CADPS2: variants seen among roughly 807,000 people sequenced by gnomAD.
CADPS2 encodes calcium-dependent secretion activator 2.
A neutral mutation model predicts 172.5 loss-of-function variants in CADPS2; 93 were observed. The ratio of observed to expected loss-of-function variants is 0.54; its 90% confidence interval spans 0.46 to 0.64. The LOEUF is 0.64. Among genes scored for constraint, CADPS2 ranks in the 30% least tolerant of loss-of-function variants. The pLI, the probability that CADPS2 is intolerant of heterozygous loss-of-function variation, is 0.00. For synonymous variants in CADPS2, 546 were observed against 555.2 expected (o/e 0.98, Z 0.23); for missense variants, 1,420 against 1,565.9 (o/e 0.91, Z 1.57).
intron 1 of CADPS2, among the ~76,000 whole-genome samples, chr7:122,759,050 A>T (rs191699608): frequency 1.9e-4 from 29 of 152,296 alleles, no homozygotes; most frequent in Admixed American, 1.8e-3. Context: ...TGAGCCAAAA[A>T]AATCTTCAGT....
intron 7 of CADPS2, among the ~76,000 whole-genome samples, chr7:122,555,012 C>G (rs545633750): frequency 6.6e-6 from 1 of 152,144 alleles, no homozygotes; most frequent in South Asian, 2.1e-4. Context: ...CAAGAAAATT[C>G]TAAACTCCTC....
chr7:122,836,930 A>T (rs1392432753), intron 1 of CADPS2, among the ~76,000 whole-genome samples: 1 of 152,186 alleles, frequency 6.6e-6, no homozygotes, highest in South Asian at 2.1e-4. Flanking sequence ...AAGCGGACCT[A>T]ATAGACATCT....
intron 7 of CADPS2, among the ~76,000 whole-genome samples, chr7:122,558,121 T>C (rs1219363608): frequency 2.6e-5 from 4 of 152,334 alleles, no homozygotes; most frequent in African/African-American, 9.6e-5. Context: ...TTTCTTGTTA[T>C]AGCATTTAGC....
At chr7:122,611,303 T>A (rs945708870) in intron 6 of CADPS2, among the ~76,000 whole-genome samples, 2 of 150,040 alleles carry the variant, frequency 1.3e-5, no homozygotes, top group Admixed American at 6.6e-5. Flanking sequence ...GACAAACTTT[T>A]AGTTAGATGG....
intron 15 of CADPS2, among the ~76,000 whole-genome samples, chr7:122,446,281 G>C (rs1454579767): frequency 6.6e-6 from 1 of 152,068 alleles, no homozygotes; most frequent in African/African-American, 2.4e-5. Flanking sequence ...TTTTTCACCA[G>C]ATGCTGGAGA....
chr7:122,325,809 A>T (rs544133113), intron 28 of CADPS2, among the ~76,000 whole-genome samples: 27 of 152,240 alleles, frequency 1.8e-4, no homozygotes, highest in East Asian at 3.9e-4. Flanking sequence ...TTAACGTTAC[A>T]GTCTTTCAGC....
chr7:122,438,537 T>G (rs2050952462), intron 16 of CADPS2, 73 bp from the exon 17 acceptor site: 1 of 1,514,752 alleles, frequency 6.6e-7, no homozygotes. Context: ...AGACAGATGT[T>G]GCATAAAATA....
chr7:122,618,574 T>C (rs907086066), intron 5 of CADPS2, among the ~76,000 whole-genome samples: 29 of 152,148 alleles, frequency 1.9e-4, no homozygotes, highest in African/African-American at 7.0e-4. Context: ...AATCTGCACT[T>C]TATTCCTTCG....
intron 3 of CADPS2, among the ~76,000 whole-genome samples, chr7:122,644,490 T>C (rs1009517833): frequency 2.6e-5 from 4 of 152,194 alleles, no homozygotes; most frequent in African/African-American, 9.6e-5. Flanking sequence ...ATGAGCTTTA[T>C]ATATTTCACC....
At chr7:122,595,795 A>G (rs1350018546) in intron 6 of CADPS2, among the ~76,000 whole-genome samples, 1 of 152,118 alleles carries the variant, frequency 6.6e-6, no homozygotes, top group African/African-American at 2.4e-5. Flanking sequence ...TCTGCATTAC[A>G]CAAACATCCC....
chr7:122,334,038 A>T (rs975709611), intron 28 of CADPS2, among the ~76,000 whole-genome samples: 1 of 152,316 alleles, frequency 6.6e-6, no homozygotes, highest in Admixed American at 6.5e-5. Flanking sequence ...AAGCTGTAGA[A>T]ATCATTGAAA....
At chr7:122,410,143 A>G (rs550729882) in intron 19 of CADPS2, among the ~76,000 whole-genome samples, 1 of 152,292 alleles carries the variant, frequency 6.6e-6, no homozygotes, top group South Asian at 2.1e-4. Context: ...CAGGAGCTCG[A>G]GACCAGCCTG....
rs576364118 is a variant in CADPS2, at chr7:122,400,622, G to C, written c.2746+6918C>G. ...ACCATTTTGAATCCAATCAACTCTGGGGATTAGAGTTAAATACATTCTCAC... is the reference window on the plus strand; with the variant it reads ...ACCATTTTGAATCCAATCAACTCTGCGGATTAGAGTTAAATACATTCTCAC... On this transcript the variant is annotated intron_variant, in intron 20 of 29. Transcript: ENST00000449022. 9.8e-4 allele frequency among the ~76,000 whole-genome samples: 149 copies of C among 152,162 alleles called. 1 individual carries two copies. The highest frequency in any genetic ancestry group is 3.4e-3 in the African/African-American group (141 of 41,518).
intron 1 of CADPS2, among the ~76,000 whole-genome samples, chr7:122,819,478 C>G (rs377529560): frequency 1.3e-5 from 2 of 152,124 alleles, no homozygotes; most frequent in East Asian, 3.9e-4. Flanking sequence ...AGGTAAGCCC[C>G]GTCCCCTTCT....
At chr7:122,664,748 G>A (rs1274096330) in intron 2 of CADPS2, among the ~76,000 whole-genome samples, 1 of 152,072 alleles carries the variant, frequency 6.6e-6, no homozygotes, top group Non-Finnish European at 1.5e-5. Flanking sequence ...TAAATTATAT[G>A]CTGTTATTGA....
chr7:122,592,142 A>G (rs2070918751), intron 6 of CADPS2, among the ~76,000 whole-genome samples: 1 of 152,158 alleles, frequency 6.6e-6, no homozygotes, highest in Non-Finnish European at 1.5e-5. Context: ...AATTTACAAG[A>G]AAAAAACAAA....
chr7:122,862,859 G>A (rs759830144), intron 1 of CADPS2, among the ~76,000 whole-genome samples: 35 of 151,994 alleles, frequency 2.3e-4, no homozygotes, highest in Middle Eastern at 3.4e-3. Flanking sequence ...CTGAAATAAC[G>A]TGTATTTCAG....
chr7:122,556,757 T>C (rs1050753183), intron 7 of CADPS2, among the ~76,000 whole-genome samples: 1 of 152,192 alleles, frequency 6.6e-6, no homozygotes. Context: ...GAGTTCTTAC[T>C]ATGTGAGGAT....
intron 1 of CADPS2, among the ~76,000 whole-genome samples, chr7:122,844,683 A>C (rs1811483713): frequency 6.6e-6 from 1 of 152,212 alleles, no homozygotes; most frequent in Non-Finnish European, 1.5e-5. Flanking sequence ...GTTTATGCTC[A>C]GGGGCTCAGG....
Sources: gnomAD v4.1 joint callset for allele counts (sites outside exome capture counted in the v4.1 genomes callset) on GRCh38, gnomAD v4.1.1 for gene constraint, MANE v1.5 for transcripts, NCBI Gene and HGNC (gene_info 2026-07-23, HGNC 2026-07-21) for gene names.